Variants in RBFOX1 observed in about 807,000 individuals in gnomAD.
RBFOX1 encodes RNA binding protein fox-1 homolog 1.
A neutral mutation model predicts 57.7 loss-of-function variants in RBFOX1; 8 were observed. That is an observed-to-expected ratio of 0.14 (90% CI 0.08 to 0.25). The LOEUF (loss-of-function observed/expected upper bound fraction) is 0.25, where lower values mean the gene tolerates loss of function less well. Among genes scored for constraint, RBFOX1 ranks in the 10% least tolerant of loss-of-function variants. The probability of loss-of-function intolerance (pLI) is 1.00; values close to 1 mark genes in which losing one functional copy is unlikely to be tolerated. For missense variants in RBFOX1, 611 were observed against 548.5 expected, an observed-to-expected ratio of 1.11 and a Z score of -1.14; for synonymous variants, 326 against 222.4, an observed-to-expected ratio of 1.47 and a Z score of -4.15.
At chr16:6,143,358 T>C (rs886636290) in intron 1 of RBFOX1, among the ~76,000 whole-genome samples, 3 of 152,238 alleles carry the variant, frequency 2.0e-5, no homozygotes, top group Admixed American at 1.3e-4. Flanking sequence ...TTTATCTTAA[T>C]TGACCATTAT....
chr16:5,726,953 C>T (rs1055564618), intron 3 of RBFOX1, among the ~76,000 whole-genome samples: 3 of 152,004 alleles, frequency 2.0e-5, no homozygotes, highest in African/African-American at 2.4e-5. Context: ...TAGCCCTGGC[C>T]GTGAATTCAA....
intron 3 of RBFOX1, among the ~76,000 whole-genome samples, chr16:5,690,501 C>T (rs560844026): frequency 8.5e-5 from 13 of 152,208 alleles, no homozygotes; most frequent in South Asian, 6.2e-4. Context: ...CTTGGCATAA[C>T]GCCTGGCATG....
At chr16:7,479,491 A>T (rs539186848) in intron 4 of RBFOX1, among the ~76,000 whole-genome samples, 1 of 152,140 alleles carries the variant, frequency 6.6e-6, no homozygotes, top group East Asian at 1.9e-4. Flanking sequence ...TGCTTGCAGG[A>T]CACCTGAAGT....
Position 7,710,821 on chromosome 16 carries a change from G to A in RBFOX1, c.*76G>A. Reference sequence around the variant, plus strand: ...AGGCCTGAGTATTGCAATACATGCAGTAGTACATCATTTTAGCAACTCTAA... The same window carrying A: ...AGGCCTGAGTATTGCAATACATGCAATAGTACATCATTTTAGCAACTCTAA... On this transcript the variant is annotated 3_prime_UTR_variant, in exon 16 of 16. Coordinates refer to ENST00000550418, the MANE Select transcript of RBFOX1 (RefSeq NM_018723.4). 8.5e-7 allele frequency: 1 copy of A among 1,172,762 alleles called. No homozygotes were observed. The highest frequency in any genetic ancestry group is 1.1e-6 in the Non-Finnish European group (1 of 891,412). The allele number at this position is 1,172,762 out of a possible 1,614,324, so 72.6% of individuals were successfully genotyped here. A position where few individuals can be genotyped will look rare whatever the true frequency, so the allele number is the denominator to read the frequency against.
At chr16:7,087,772 T>C (rs1253654340) in intron 4 of RBFOX1, among the ~76,000 whole-genome samples, 1 of 152,170 alleles carries the variant, frequency 6.6e-6, no homozygotes, top group Non-Finnish European at 1.5e-5. Flanking sequence ...CTTTCAGTTT[T>C]TCTTCCAGAT....
chr16:6,098,721 A>G (rs1267169430), intron 1 of RBFOX1, among the ~76,000 whole-genome samples: 1 of 152,242 alleles, frequency 6.6e-6, no homozygotes, highest in Non-Finnish European at 1.5e-5. Context: ...ACAGATGTCC[A>G]GACACCACAT....
chr16:5,680,400 C>T (rs78824786), intron 3 of RBFOX1, among the ~76,000 whole-genome samples: 11,880 of 152,122 alleles, frequency 0.078, 1,521 homozygotes, highest in African/African-American at 0.27. Context: ...GATATGGATC[C>T]ATGGGGGCTG....
rs150774276 is a variant in RBFOX1 at position 7,571,999 on chromosome 16, T to C, written c.271-7778T>C. The stretch of plus-strand genomic sequence containing the variant: ...AAAATTAGCTGGGCTTGGTGGCACA[T>C]GCCTGTAGTCCCAGCTACTGGGGAG... On this transcript the variant is annotated intron_variant, in intron 5 of 15. Coordinates refer to ENST00000550418, the MANE Select transcript of RBFOX1 (RefSeq NM_018723.4). 2.9e-3 allele frequency among the ~76,000 whole-genome samples: 437 copies of C among 152,264 alleles called. 1 individual carries two copies. Among genetic ancestry groups the C allele is most frequent in the African/African-American group, 9.9e-3 (410 of 41,562 alleles).
intron 3 of RBFOX1, among the ~76,000 whole-genome samples, chr16:6,839,861 G>C (rs541769953): frequency 3.3e-5 from 5 of 152,222 alleles, no homozygotes; most frequent in Admixed American, 3.3e-4. Context: ...CGTGATATTT[G>C]GGGTATCTTT....
intron 3 of RBFOX1, among the ~76,000 whole-genome samples, chr16:6,885,516 T>A (rs2063810723): frequency 6.6e-6 from 1 of 150,736 alleles, no homozygotes; most frequent in Non-Finnish European, 1.5e-5. Context: ...AATCTACTTC[T>A]GCATTTTATT....
intron 3 of RBFOX1, among the ~76,000 whole-genome samples, chr16:6,889,705 G>C (rs1317383332): frequency 6.6e-6 from 1 of 152,092 alleles, no homozygotes; most frequent in Non-Finnish European, 1.5e-5. Flanking sequence ...ATAAATTCTT[G>C]AAGAGCTATA....
At chr16:6,184,149 A>T (rs1049845719) in intron 1 of RBFOX1, among the ~76,000 whole-genome samples, 1 of 152,164 alleles carries the variant, frequency 6.6e-6, no homozygotes, top group Non-Finnish European at 1.5e-5. Context: ...TGAAAACAGT[A>T]TGGGGGAAAC....
At chr16:6,941,104 C>G (rs1277885726) in intron 3 of RBFOX1, among the ~76,000 whole-genome samples, 1 of 151,818 alleles carries the variant, frequency 6.6e-6, no homozygotes, top group Non-Finnish European at 1.5e-5. Context: ...AGGAAAGAGT[C>G]TTAGTTGGAA....
At chr16:6,074,628 G>A (rs139352437) in intron 1 of RBFOX1, among the ~76,000 whole-genome samples, 138 of 152,292 alleles carry the variant, frequency 9.1e-4, no homozygotes, top group African/African-American at 3.1e-3. Flanking sequence ...AATTCTGAAC[G>A]CAACAACCAA....
chr16:6,078,640 A>C (rs941464782), intron 1 of RBFOX1, among the ~76,000 whole-genome samples: 3 of 151,208 alleles, frequency 2.0e-5, no homozygotes, highest in Non-Finnish European at 4.4e-5. Flanking sequence ...TACCTCTCTC[A>C]TAAGATTGCT....
chr16:7,281,638 T>G (rs1568018223), intron 4 of RBFOX1, among the ~76,000 whole-genome samples: 1 of 152,074 alleles, frequency 6.6e-6, no homozygotes, highest in Non-Finnish European at 1.5e-5. Context: ...CATGGGGTTC[T>G]AGTCTAGATG....
rs112969007 is a variant in RBFOX1 at position 6,864,251 on chromosome 16, C to G, written c.-15-187806C>G. On this transcript the variant is annotated intron_variant, in intron 3 of 15. Transcript: ENST00000550418. ...CTAGGGTTCTTCTCAAAGCATAACTCTTCCACATTTAGACACGTTCAAAAA... is the reference window on the plus strand; with the variant it reads ...CTAGGGTTCTTCTCAAAGCATAACTGTTCCACATTTAGACACGTTCAAAAA... Among the ~76,000 whole-genome samples the G allele has an allele frequency of 5.9e-5, 9 of 152,248 alleles. 1 individual carries two copies. Among genetic ancestry groups the G allele is most frequent in the South Asian group, 2.1e-4 (1 of 4,824 alleles).
chr16:7,091,830 G>A (rs746944743), intron 4 of RBFOX1, among the ~76,000 whole-genome samples: 1 of 152,218 alleles, frequency 6.6e-6, no homozygotes, highest in African/African-American at 2.4e-5. Context: ...GAGATGGCCT[G>A]ATTTGTAGAT....
intron 2 of RBFOX1, among the ~76,000 whole-genome samples, chr16:5,522,718 GT>G (rs2044069367): frequency 6.6e-6 from 1 of 152,032 alleles, no homozygotes; most frequent in Non-Finnish European, 1.5e-5. Flanking sequence ...CCCACCTCTG[GT>G]ATCTATGATT....
Sources: gnomAD v4.1 joint callset for allele counts (sites outside exome capture counted in the v4.1 genomes callset) on GRCh38, gnomAD v4.1.1 for gene constraint, MANE v1.5 for transcripts, NCBI Gene and HGNC (gene_info 2026-07-23, HGNC 2026-07-21) for gene names.